Variants in SIK2 observed in about 807,000 individuals in gnomAD.
The protein encoded by SIK2 is salt inducible kinase 2.
Under a neutral mutation model 103.2 loss-of-function variants are expected in SIK2, and 29 were observed. The ratio of observed to expected loss-of-function variants is 0.28; its 90% CI spans 0.21 to 0.38. The LOEUF (loss-of-function observed/expected upper bound fraction) is 0.38. SIK2 is among the 10% of genes least tolerant of loss of function. The pLI is 1.00. For synonymous variants in SIK2, 412 were observed against 446.1 expected (o/e 0.92, Z 0.96); for missense variants, 879 against 1,171.0 (o/e 0.75, Z 3.64).
intron 1 of SIK2, among the ~76,000 whole-genome samples, chr11:111,605,851 ACAT>A (rs1458316709): frequency 6.6e-6 from 1 of 152,210 alleles, no homozygotes; most frequent in African/African-American, 2.4e-5. Context: ...AAATATAATT[ACAT>A]CATCATCTGA....
chr11:111,712,392 G>A lies in SIK2; in HGVS notation c.1266+17G>A. On this transcript the variant is annotated intron_variant, in intron 9 of 14. Transcript: ENST00000304987. Reference sequence around the variant, plus strand: ...ACTCCAAAGGTACGGCTATGTTTGAGAGTCTCAGAACTGGCAGTTTGGCGA... The same window carrying A: ...ACTCCAAAGGTACGGCTATGTTTGAAAGTCTCAGAACTGGCAGTTTGGCGA... 6.2e-7 allele frequency: 1 copy of A among 1,608,534 alleles called. No individual in the cohort carries two copies.
chr11:111,619,480 A>C (rs1941853330), intron 2 of SIK2, among the ~76,000 whole-genome samples: 1 of 152,142 alleles, frequency 6.6e-6, no homozygotes, highest in Non-Finnish European at 1.5e-5. Flanking sequence ...AGTAGCTGGG[A>C]TCACAGGTGC....
chr11:111,636,019 T>C (rs1942103967), intron 3 of SIK2, among the ~76,000 whole-genome samples: 1 of 152,244 alleles, frequency 6.6e-6, no homozygotes, highest in Non-Finnish European at 1.5e-5. Context: ...GAATTTCTAT[T>C]AAGTGAATCA....
chr11:111,643,672 A>C, intron 3 of SIK2, among the ~76,000 whole-genome samples: 1 of 151,568 alleles, frequency 6.6e-6, no homozygotes, highest in East Asian at 1.9e-4. Context: ...TTAGCTGGGC[A>C]TGGTGGTGCG....
intron 1 of SIK2, among the ~76,000 whole-genome samples, chr11:111,608,999 AT>A (rs34298351): frequency 1.3e-5 from 2 of 151,506 alleles, no homozygotes; most frequent in African/African-American, 4.9e-5. Context: ...TTACTTTTAA[AT>A]TTTTTTCTAT....
Position 111,703,379 on chromosome 11 carries a change from C to T in SIK2, c.904C>T (p.Arg302Ter), listed in dbSNP as rs1292123220. ...CGGGGAGTTTAATGAGCAGGTTCTGCGACTGATGCACAGCCTTGGAATAGA... is the reference window on the plus strand; with the variant it reads ...CGGGGAGTTTAATGAGCAGGTTCTGTGACTGATGCACAGCCTTGGAATAGA... ...SIGEFNEQVL[R>*]LMHSLGIDQQ... is the part of the protein sequence containing the mutation. Residue 302 changes from arginine (R) to a stop codon, truncating the protein, a stop_gained, in exon 7 of 15, where the codon CGA (arginine) becomes TGA (stop). Coordinates refer to ENST00000304987, the MANE Select transcript of SIK2 (RefSeq NM_015191.3). LOFTEE classifies it high-confidence loss of function. The T allele has an allele frequency of 4.3e-6, 7 of 1,613,856 alleles. No homozygotes were observed. The highest frequency in any genetic ancestry group is 5.9e-6 in the Non-Finnish European group (7 of 1,179,934).
intron 12 of SIK2, 67 bp from the exon 13 acceptor site, chr11:111,721,763 C>A: frequency 8.0e-7 from 1 of 1,252,054 alleles, no homozygotes; most frequent in South Asian, 1.5e-5. Context: ...AAAGGTGCTT[C>A]AGCTAAGAAC....
intron 3 of SIK2, among the ~76,000 whole-genome samples, chr11:111,672,920 G>A (rs1161167482): frequency 6.6e-6 from 1 of 152,166 alleles, no homozygotes; most frequent in African/African-American, 2.4e-5. Context: ...GTATTTTTGA[G>A]TACTATATTT....
In SIK2 at chr11:111,725,760, T is replaced by C. The variant is rs1233750242; in HGVS notation, c.*1631T>C. The C allele has an allele frequency of 6.6e-6, 1 of 152,644 alleles. No individual in the cohort carries two copies. The highest frequency in any genetic ancestry group is 1.5e-5 in the Non-Finnish European group (1 of 68,042). 9.5% of individuals were successfully genotyped at this position (152,644 alleles called of 1,614,324 possible). A position where few individuals can be genotyped will look rare whatever the true frequency, so the allele number is the denominator to read the frequency against. On this transcript the variant is annotated 3_prime_UTR_variant, in exon 15 of 15. Coordinates refer to ENST00000304987, the MANE Select transcript of SIK2 (RefSeq NM_015191.3). ...AGTCTAGGGGGTTCCATTCTGGCCA[T>C]GCGAGCCCAGCTCCTACCAACGTCG...
chr11:111,615,455 A>C (rs1188783669), intron 1 of SIK2, among the ~76,000 whole-genome samples: 1 of 152,164 alleles, frequency 6.6e-6, no homozygotes, highest in East Asian at 1.9e-4. Flanking sequence ...TTAAATCAGA[A>C]TGCTTTATTT....
At chr11:111,715,793 C>CATTTTTT (rs1265736886) in intron 9 of SIK2, among the ~76,000 whole-genome samples, 1 of 81,580 alleles carries the variant, frequency 1.2e-5, no homozygotes, top group Non-Finnish European at 2.2e-5. Context: ...TCATTTTTAG[C>CATTTTTT]TTTTTTTTTT....
chr11:111,646,906 A>G (rs1019549350), intron 3 of SIK2, among the ~76,000 whole-genome samples: 1 of 152,236 alleles, frequency 6.6e-6, no homozygotes, highest in African/African-American at 2.4e-5. Flanking sequence ...GCTATTACAA[A>G]TAAAGTTGCT....
At chr11:111,623,486 T>C (rs1364543009) in intron 3 of SIK2, among the ~76,000 whole-genome samples, 3 of 152,234 alleles carry the variant, frequency 2.0e-5, no homozygotes, top group East Asian at 1.9e-4. Flanking sequence ...TGTGTTACTT[T>C]AGGTTTTCTT....
chr11:111,616,365 A>G lies in SIK2; in HGVS notation c.252+6A>G, dbSNP rs1195489231. ...ACATAATCAAACTTTATCAGGTATG[A>G]CTCAGCCTAACACTATCTCCATTCA... On this transcript the variant is annotated splice_donor_region_variant and intron_variant, in intron 2 of 14. Transcript: ENST00000304987. 3 of 1,441,388 alleles carry G rather than the reference A, an allele frequency of 2.1e-6. No homozygotes were observed. The highest frequency in any genetic ancestry group is 2.0e-6 in the Non-Finnish European group (2 of 1,023,040). The allele number at this position is 1,441,388 out of a possible 1,614,324, so 89.3% of individuals were successfully genotyped here.
intron 3 of SIK2, among the ~76,000 whole-genome samples, chr11:111,661,781 C>T (rs960371824): frequency 6.6e-6 from 1 of 152,180 alleles, no homozygotes; most frequent in South Asian, 2.1e-4. Context: ...AGTGCATGTG[C>T]AGAGGAACTG....
chr11:111,684,816 G>A (rs1264542067), intron 3 of SIK2, among the ~76,000 whole-genome samples: 2 of 152,192 alleles, frequency 1.3e-5, no homozygotes, highest in African/African-American at 4.8e-5. Context: ...TTAGAATTAT[G>A]GATAGCTACT....
chr11:111,602,712 C>A lies in SIK2; in HGVS notation c.135+14C>A, dbSNP rs1055334692. On this transcript the variant is annotated intron_variant, in intron 1 of 14. Transcript: ENST00000304987. This position sits in a 1 kb window ranked among gnomAD's most constrained non-coding sequence, Gnocchi z 4.5. ...ACCAAGACGGAGGTGCGGCCCGGGGCTCGGCGGGAGCGTCCGAGGCGAGGG... is the reference window on the plus strand; with the variant it reads ...ACCAAGACGGAGGTGCGGCCCGGGGATCGGCGGGAGCGTCCGAGGCGAGGG... The A allele has an allele frequency of 1.3e-6, 2 of 1,496,368 alleles. No individual in the cohort carries two copies. Among genetic ancestry groups the A allele is most frequent in the Non-Finnish European group, 1.8e-6 (2 of 1,120,752 alleles). The allele number at this position is 1,496,368 out of a possible 1,614,324, so 92.7% of individuals were successfully genotyped here. A position where few individuals can be genotyped will look rare whatever the true frequency, so the allele number is the denominator to read the frequency against.
chr11:111,658,938 C>G (rs1291018921), intron 3 of SIK2, among the ~76,000 whole-genome samples: 1 of 152,048 alleles, frequency 6.6e-6, no homozygotes, highest in African/African-American at 2.4e-5. Flanking sequence ...GCCCGGCATT[C>G]TTTTCCAAAA....
chr11:111,627,820 C>G (rs1262036624), intron 3 of SIK2, among the ~76,000 whole-genome samples: 1 of 152,018 alleles, frequency 6.6e-6, no homozygotes, highest in Non-Finnish European at 1.5e-5. Flanking sequence ...ATTTAGTTGG[C>G]CAGCAGATCA....
Sources: allele counts gnomAD v4.1 joint callset (sites outside exome capture counted in the v4.1 genomes callset), GRCh38; gene constraint gnomAD v4.1.1; non-coding constraint Gnocchi (gnomAD v3.1); transcripts MANE v1.5; gene names NCBI Gene and HGNC (gene_info 2026-07-23, HGNC 2026-07-21).